Variants in KIF1B observed in about 807,000 individuals in gnomAD.
The protein encoded by KIF1B is kinesin-like protein KIF1B.
Under a neutral mutation model 241.9 loss-of-function variants are expected in KIF1B, and 76 were observed. That is an observed-to-expected ratio of 0.31 (90% CI 0.26 to 0.38). KIF1B has a LOEUF of 0.38. Among genes scored for constraint, KIF1B ranks in the 10% least tolerant of loss-of-function variants. KIF1B has a pLI of 1.00. For synonymous variants in KIF1B, 750 were observed against 796.7 expected (o/e 0.94, Z 0.99); for missense variants, 1,622 against 2,271.4 (o/e 0.71, Z 5.81).
intron 32 of KIF1B, among the ~76,000 whole-genome samples, chr1:10,340,986 A>G (rs1652371968): frequency 6.6e-6 from 1 of 152,182 alleles, no homozygotes; most frequent in African/African-American, 2.4e-5. Flanking sequence ...CAAACACAAA[A>G]TATGCCATCT....
At chr1:10,254,898 AAAG>A (rs1424153413) in intron 2 of KIF1B, among the ~76,000 whole-genome samples, 53 of 151,342 alleles carry the variant, frequency 3.5e-4, no homozygotes, top group African/African-American at 1.2e-3. Context: ...AAAAAAAAAA[AAAG>A]CTGCTTTCAA....
intron 26 of KIF1B, among the ~76,000 whole-genome samples, chr1:10,325,234 T>C (rs1651684334): frequency 6.6e-6 from 1 of 152,230 alleles, no homozygotes; most frequent in Non-Finnish European, 1.5e-5. Flanking sequence ...TAGTACAGCT[T>C]ATCAGACACA....
Position 10,303,120 on chromosome 1 carries a change from T to G in KIF1B, c.2115+5874T>G. The G allele has an allele frequency of 6.3e-7, 1 of 1,587,160 alleles. No individual in the cohort carries two copies. The highest frequency in any genetic ancestry group is 8.5e-7 in the Non-Finnish European group (1 of 1,169,970). ...TAATTTTCCTTTTTTACATTTTAAT[T>G]TTGGTTATTTTGGGGCCATTTTTTG... On this transcript the variant is annotated intron_variant, in intron 22 of 48. Transcript: ENST00000676179. This position sits in a 1 kb window ranked among gnomAD's most constrained non-coding sequence, Gnocchi z 5.2.
Position 10,345,893 on chromosome 1 carries a change from G to A in KIF1B, c.3737G>A (p.Ser1246Asn). Reference protein sequence around the residue: ...NTMSKTSLGQSMSKYDLLVWF... With the variant: ...NTMSKTSLGQNMSKYDLLVWF... ...ATGAGCAAAACCAGCCTTGGCCAGAGCATGAGCAAGTATGACCTCCTGGTT... is the reference window on the plus strand; with the variant it reads ...ATGAGCAAAACCAGCCTTGGCCAGAACATGAGCAAGTATGACCTCCTGGTT... Residue 1246 changes from serine (S) to asparagine (N), a missense_variant, in exon 35 of 49, where the codon AGC (serine) becomes AAC (asparagine). Ser to Asn is a conservative substitution (Grantham distance 46, BLOSUM62 1). Around this residue, in one of 7 missense-constraint regions of KIF1B, gnomAD observed 803 missense variants for 1,112.0 expected, o/e 0.72. Transcript: ENST00000676179. 6.2e-7 allele frequency: 1 copy of A among 1,614,172 alleles called. No homozygotes were observed.
chr1:10,244,915 A>G (rs1212739311), intron 2 of KIF1B, among the ~76,000 whole-genome samples: 2 of 152,110 alleles, frequency 1.3e-5, no homozygotes, highest in Non-Finnish European at 2.9e-5. Flanking sequence ...CCCGGCCGCC[A>G]TTTTTCTTAA....
At chr1:10,231,720 T>C (rs1396276230) in intron 1 of KIF1B, among the ~76,000 whole-genome samples, 1 of 152,052 alleles carries the variant, frequency 6.6e-6, no homozygotes. Flanking sequence ...TAGTAAGTGG[T>C]TTGCACGTGG....
At chr1:10,254,652 G>A (rs1383516886) in intron 2 of KIF1B, among the ~76,000 whole-genome samples, 1 of 151,702 alleles carries the variant, frequency 6.6e-6, no homozygotes, top group African/African-American at 2.4e-5. Flanking sequence ...CGAGGCGGGT[G>A]GATCACAAGG....
At chr1:10,269,770 G>A (rs1648683205) in intron 7 of KIF1B, among the ~76,000 whole-genome samples, 1 of 152,082 alleles carries the variant, frequency 6.6e-6, no homozygotes, top group Non-Finnish European at 1.5e-5. Flanking sequence ...GTTGGCTGAG[G>A]TTGCGCCATT....
Position 10,321,811 on chromosome 1 carries a change from T to C in KIF1B, c.2312T>C (p.Val771Ala), listed in dbSNP as rs1407927535. ...CGGGACTTACTCTGGGGCAATGCCG[T>C]GTACCTAAAGGAGGCCAATGCCATC... The part of the protein sequence containing the change: ...SLRDLLWGNA[V>A]YLKEANAISV... The change falls in exon 24 of 49, where the codon GTG becomes GCG. Residue 771 changes from valine (V) to alanine (A), a missense_variant. Transcript: ENST00000676179. 6.2e-7 allele frequency: 1 copy of C among 1,614,048 alleles called. No homozygotes were observed. The highest frequency in any genetic ancestry group is 1.3e-5 in the African/African-American group (1 of 74,932).
intron 22 of KIF1B, among the ~76,000 whole-genome samples, chr1:10,316,856 A>G (rs1248118339): frequency 6.6e-6 from 1 of 151,520 alleles, no homozygotes; most frequent in Non-Finnish European, 1.5e-5. Context: ...TGGGGTTGCA[A>G]TATGGTGATT....
chr1:10,247,742 CTTA>C (rs1647248348), intron 2 of KIF1B, among the ~76,000 whole-genome samples: 1 of 152,116 alleles, frequency 6.6e-6, no homozygotes, highest in South Asian at 2.1e-4. Context: ...ATGTTGGATA[CTTA>C]GAGTGGGATC....
At chr1:10,363,246 T>TA in intron 40 of KIF1B, 37 bp from the exon 41 acceptor site, 1 of 1,534,960 alleles carries the variant, frequency 6.5e-7, no homozygotes, top group South Asian at 1.1e-5. Context: ...TTTTGTGCTT[T>TA]AAGAGATTAA....
intron 15 of KIF1B, among the ~76,000 whole-genome samples, chr1:10,289,642 G>A (rs1649887815): frequency 6.6e-6 from 1 of 152,156 alleles, no homozygotes; most frequent in African/African-American, 2.4e-5. Flanking sequence ...CCAGCACTTT[G>A]GGAGGCTGAA....
intron 16 of KIF1B, among the ~76,000 whole-genome samples, 186 bp downstream of exon 16, chr1:10,291,347 A>G (rs1649986736): frequency 6.6e-6 from 1 of 152,230 alleles, no homozygotes; most frequent in African/African-American, 2.4e-5. Context: ...ACATCTACAT[A>G]TTTAAATATT....
intron 22 of KIF1B, chr1:10,307,083 A>G: frequency 1.9e-6 from 2 of 1,037,452 alleles, no homozygotes; most frequent in Non-Finnish European, 2.3e-6. Flanking sequence ...ATGTTGCTGA[A>G]ATATTTAGAT....
At position 10,282,458 on chromosome 1, in the gene KIF1B, C is replaced by T. The variant is rs375200009; in HGVS notation, c.1359C>T (p.Gly453=). Residue 453 remains glycine (G), a synonymous_variant, in exon 15 of 49, where the codon GGC becomes GGT. Transcript: ENST00000676179. ...CCTGCTCACTCAGTAGTCAGGTGGG[C>T]TTGACGTCTGTGACCAGTATTCAAG... ...PSSCSLSSQV[G]LTSVTSIQER... The T allele has an allele frequency of 5.7e-5, 92 of 1,614,044 alleles. No homozygotes were observed. Among genetic ancestry groups the T allele is most frequent in the Non-Finnish European group, 7.5e-5 (89 of 1,180,036 alleles).
At chr1:10,259,906 C>G (rs534081029) in intron 4 of KIF1B, among the ~76,000 whole-genome samples, 1 of 151,874 alleles carries the variant, frequency 6.6e-6, no homozygotes, top group East Asian at 1.9e-4. Flanking sequence ...GCCTCGACTT[C>G]CAGAAGTACT....
At chr1:10,295,046 G>A (rs1650194008) in intron 17 of KIF1B, 40 bp from the exon 18 acceptor site, 1 of 1,331,974 alleles carries the variant, frequency 7.5e-7, no homozygotes, top group Admixed American at 1.7e-5. Context: ...GCTCTCTCAT[G>A]GTGCCCTGCT....
At chr1:10,320,460 T>C (rs1195733071) in intron 23 of KIF1B, among the ~76,000 whole-genome samples, 3 of 152,252 alleles carry the variant, frequency 2.0e-5, no homozygotes, top group African/African-American at 7.2e-5. Context: ...ATTACAAATA[T>C]AGAGCTGAAT....
Sources: gnomAD v4.1 joint callset for allele counts (sites outside exome capture counted in the v4.1 genomes callset) on GRCh38, gnomAD v4.1.1 for gene constraint, gnomAD v4.1.1 regional missense constraint, Gnocchi (gnomAD v3.1) non-coding constraint, MANE v1.5 for transcripts, NCBI Gene and HGNC (gene_info 2026-07-23, HGNC 2026-07-21) for gene names.